CNTRL: variants seen among roughly 807,000 people sequenced by gnomAD.
The protein encoded by CNTRL is 110 kDa centrosomal protein.
In CNTRL, 233 loss-of-function variants were observed where a neutral mutation model predicts 303.7. That is an observed-to-expected ratio of 0.77 (90% CI 0.69 to 0.86). The LOEUF is 0.86. Ranked by LOEUF, CNTRL falls within the 40% of genes least tolerant of loss-of-function variation. The pLI, the probability that CNTRL is intolerant of heterozygous loss-of-function variation, is 0.00. For missense variants in CNTRL, 2,524 were observed against 2,650.6 expected (o/e 0.95, Z 1.05); for synonymous variants, 900 against 922.2 (o/e 0.98, Z 0.44).
intron 17 of CNTRL, 57 bp from the exon 18 acceptor site, chr9:121,141,324 C>A: frequency 7.5e-7 from 1 of 1,333,600 alleles, no homozygotes; most frequent in Non-Finnish European, 1.1e-6. Context: ...AGCATGTTTG[C>A]AGCCAGCATC....
intron 20 of CNTRL, 116 bp from the exon 21 acceptor site, chr9:121,144,727 T>G: frequency 2.4e-6 from 2 of 847,120 alleles, no homozygotes; most frequent in Non-Finnish European, 3.9e-6. Flanking sequence ...ATGTCCCTTT[T>G]CATGGACAGC....
intron 24 of CNTRL, 34 bp from the exon 25 acceptor site, chr9:121,150,136 T>C: frequency 6.5e-7 from 1 of 1,539,232 alleles, no homozygotes; most frequent in Non-Finnish European, 8.8e-7. Flanking sequence ...AACACTCTTT[T>C]GTTGAATAAA....
intron 18 of CNTRL, 43 bp downstream of exon 18, chr9:121,141,631 A>G (rs1484471703): frequency 6.5e-7 from 1 of 1,546,018 alleles, no homozygotes; most frequent in Non-Finnish European, 8.9e-7. Context: ...GTGTTTGGCA[A>G]ATATTAATGT....
At position 121,090,170 on chromosome 9, in the gene CNTRL, T is replaced by A. The variant is rs1401198599; in HGVS notation, c.218-105T>A. 1.1e-5 allele frequency: 10 copies of A among 926,734 alleles called. No individual in the cohort carries two copies. The Admixed American group carries it at 2.2e-4, about 20-fold the overall frequency. The allele number at this position is 926,734 out of a possible 1,614,324, so 57.4% of individuals were successfully genotyped here. On this transcript the variant is annotated intron_variant, in intron 3 of 43. Transcript: ENST00000373855. ...AGAAATAGCCAGCTTTTTTGGTATA[T>A]TCATGGCTTAATTTTTGTTTTTGTT... is the stretch of plus-strand genomic sequence containing the variant.
rs1269359042 is a variant in CNTRL at position 121,158,994 on chromosome 9, T to G, written c.4904T>G (p.Val1635Gly). 5 of 1,614,182 alleles carry G rather than the reference T, an allele frequency of 3.1e-6. No homozygotes were observed. The African/African-American group carries it at 5.3e-5, about 17-fold the overall frequency. ...QEALRLGETE[V>G]TEKCNHIREV... ...GCTCTGAGACTGGGAGAGACTGAAG[T>G]AACTGAGAAGTGCAATCACATTAGG... The change falls in exon 31 of 44, where the codon GTA becomes GGA. Residue 1635 changes from valine to glycine, a missense_variant. Transcript: ENST00000373855.
At chr9:121,098,145 ATACT>A (rs2048971893) in intron 6 of CNTRL, among the ~76,000 whole-genome samples, 1 of 152,176 alleles carries the variant, frequency 6.6e-6, no homozygotes, top group East Asian at 1.9e-4. Flanking sequence ...AATTAAGATG[ATACT>A]TACATGATAA....
intron 31 of CNTRL, 24 bp downstream of exon 31, chr9:121,159,043 TG>T: frequency 1.2e-6 from 2 of 1,608,652 alleles, no homozygotes; most frequent in Non-Finnish European, 8.5e-7. Flanking sequence ...TAGGGTTTTC[TG>T]AAGAGTCGTA....
At chr9:121,131,317 G>A (rs2050842082) in intron 14 of CNTRL, among the ~76,000 whole-genome samples, 1 of 152,206 alleles carries the variant, frequency 6.6e-6, no homozygotes, top group South Asian at 2.1e-4. Flanking sequence ...GGGTTCTCCT[G>A]TATTGGGTGC....
At chr9:121,120,754 A>T (rs2050190105) in intron 12 of CNTRL, among the ~76,000 whole-genome samples, 1 of 152,212 alleles carries the variant, frequency 6.6e-6, no homozygotes, top group African/African-American at 2.4e-5. Context: ...AGAATTATAC[A>T]TGGAAAGGAG....
chr9:121,094,861 A>C, intron 4 of CNTRL, 27 bp from the exon 5 acceptor site: 2 of 1,497,418 alleles, frequency 1.3e-6, no homozygotes, highest in Non-Finnish European at 1.8e-6. Flanking sequence ...TGTTGTGTAA[A>C]GTATTCATTC....
chr9:121,111,006 T>A (rs937721017), intron 8 of CNTRL: 1 of 152,156 alleles, frequency 6.6e-6, no homozygotes, highest in African/African-American at 2.4e-5. Flanking sequence ...GTATTCTCTG[T>A]GATTCCAGTC....
At chr9:121,144,263 G>A (rs2051700066) in intron 20 of CNTRL, among the ~76,000 whole-genome samples, 181 bp downstream of exon 20, 1 of 151,918 alleles carries the variant, frequency 6.6e-6, no homozygotes, top group South Asian at 2.1e-4. Flanking sequence ...AATTTATTTT[G>A]TGCTGCCATG....
chr9:121,118,275 T>C, intron 11 of CNTRL, 71 bp from the exon 12 acceptor site: 1 of 1,205,024 alleles, frequency 8.3e-7, no homozygotes, highest in Non-Finnish European at 1.1e-6. Context: ...TTATTAAAAT[T>C]ATAGACATTG....
chr9:121,118,545 G>A lies in CNTRL; in HGVS notation c.1650+5G>A, dbSNP rs2050083744. On this transcript the variant is annotated splice_donor_5th_base_variant and intron_variant, in intron 12 of 43. Coordinates refer to ENST00000373855, the MANE Select transcript of CNTRL (RefSeq NM_007018.6). ...GATTCCAAAGACCCAAAACATGTGA[G>A]TAAATTAAGAAATTTTGACTTGTTC... 1.7e-5 allele frequency: 26 copies of A among 1,574,810 alleles called. No homozygotes were observed. The highest frequency in any genetic ancestry group is 2.2e-5 in the Non-Finnish European group (26 of 1,160,650).
chr9:121,172,261 G>C (rs968261895), intron 40 of CNTRL, among the ~76,000 whole-genome samples: 9 of 152,220 alleles, frequency 5.9e-5, no homozygotes, highest in Admixed American at 2.6e-4. Flanking sequence ...TTAGCAGTAG[G>C]TATAAATTTC....
chr9:121,177,080 A>C, intron 43 of CNTRL, 83 bp from the exon 44 acceptor site: 1 of 1,086,270 alleles, frequency 9.2e-7, no homozygotes, highest in Non-Finnish European at 1.4e-6. Flanking sequence ...TCATTTACCT[A>C]TAAGCCATCA....
At chr9:121,153,191 A>T (rs533150941) in intron 26 of CNTRL, among the ~76,000 whole-genome samples, 1 of 152,256 alleles carries the variant, frequency 6.6e-6, no homozygotes, top group South Asian at 2.1e-4. Flanking sequence ...TAGTTTCCAC[A>T]CTGGCCTTCC....
intron 4 of CNTRL, among the ~76,000 whole-genome samples, chr9:121,091,485 A>G (rs2048567787): frequency 1.3e-5 from 2 of 152,194 alleles, no homozygotes; most frequent in South Asian, 4.1e-4. Flanking sequence ...AAAAATATTG[A>G]CAGATTTAGC....
chr9:121,126,626 G>A (rs1277207231), intron 14 of CNTRL, among the ~76,000 whole-genome samples: 1 of 152,068 alleles, frequency 6.6e-6, no homozygotes, highest in Non-Finnish European at 1.5e-5. Context: ...GAAATCCTCT[G>A]TCTACTCCTT....
Sources: gnomAD v4.1 joint callset for allele counts (sites outside exome capture counted in the v4.1 genomes callset) on GRCh38, gnomAD v4.1.1 for gene constraint, MANE v1.5 for transcripts, NCBI Gene and HGNC (gene_info 2026-07-23, HGNC 2026-07-21) for gene names.